The following GPC6 variants were observed in gnomAD, a reference collection of about 807,000 sequenced individuals.
The protein encoded by GPC6 is glypican 6.
GPC6 carries 14 observed loss-of-function variants against 55.2 expected under a neutral mutation model. That is an observed-to-expected ratio of 0.25 (90% CI 0.17 to 0.40). GPC6 has a LOEUF of 0.40. Among genes scored for constraint, GPC6 ranks in the 10% least tolerant of loss-of-function variants. The pLI, the probability that GPC6 is intolerant of heterozygous loss-of-function variation, is 1.00. For synonymous variants in GPC6, 278 were observed against 259.6 expected (o/e 1.07, Z -0.68); for missense variants, 641 against 708.5 (o/e 0.90, Z 1.08).
intron 3 of GPC6, among the ~76,000 whole-genome samples, chr13:93,996,006 G>A (rs997384203): frequency 1.3e-5 from 2 of 152,116 alleles, no homozygotes; most frequent in Non-Finnish European, 2.9e-5. Flanking sequence ...GATAGTTAAG[G>A]AATAATTTTA....
chr13:93,254,189 G>A (rs1594054437), intron 1 of GPC6, among the ~76,000 whole-genome samples: 1 of 152,142 alleles, frequency 6.6e-6, no homozygotes, highest in Admixed American at 6.5e-5. Context: ...AGTCAGGTGT[G>A]GTGGCATGTG....
intron 4 of GPC6, among the ~76,000 whole-genome samples, chr13:94,261,389 A>C (rs1384058645): frequency 6.6e-6 from 1 of 152,234 alleles, no homozygotes; most frequent in Non-Finnish European, 1.5e-5. Flanking sequence ...TTCAGCAGGA[A>C]GAGCAAGTGC....
intron 3 of GPC6, among the ~76,000 whole-genome samples, chr13:93,878,320 C>T (rs912615598): frequency 2.0e-5 from 3 of 152,168 alleles, no homozygotes; most frequent in Admixed American, 6.5e-5. Context: ...GGAATGAATT[C>T]AGTCCCTGTA....
At chr13:93,490,112 A>G (rs1364817666) in intron 1 of GPC6, among the ~76,000 whole-genome samples, 15 of 151,524 alleles carry the variant, frequency 9.9e-5, no homozygotes, top group African/African-American at 3.6e-4. Flanking sequence ...GTGTGTCATA[A>G]ATAGCTCTTA....
intron 8 of GPC6, among the ~76,000 whole-genome samples, chr13:94,399,645 A>T (rs865797517): frequency 6.6e-6 from 1 of 152,192 alleles, no homozygotes; most frequent in Non-Finnish European, 1.5e-5. Context: ...AAGTCATTTC[A>T]GTCATAGTTA....
intron 4 of GPC6, among the ~76,000 whole-genome samples, chr13:94,146,152 C>T (rs1019467837): frequency 3.3e-5 from 5 of 152,116 alleles, no homozygotes; most frequent in African/African-American, 9.7e-5. Context: ...GCTATTTTCA[C>T]CTTTGATACT....
At chr13:94,364,072 G>GTAGC (rs1299592873) in intron 6 of GPC6, among the ~76,000 whole-genome samples, 1 of 152,156 alleles carries the variant, frequency 6.6e-6, no homozygotes, top group Non-Finnish European at 1.5e-5. Context: ...AATTACACCT[G>GTAGC]TAGCTCCTTT....
intron 5 of GPC6, among the ~76,000 whole-genome samples, chr13:94,291,002 G>C (rs1402685145): frequency 6.6e-6 from 1 of 152,160 alleles, no homozygotes; most frequent in Non-Finnish European, 1.5e-5. Context: ...GACCAGCCTA[G>C]CCAATATGGC....
chr13:93,799,571 G>A (rs57605778), intron 2 of GPC6, among the ~76,000 whole-genome samples: 5,179 of 152,278 alleles, frequency 0.034, 273 homozygotes, highest in East Asian at 0.17. Context: ...TTGACAGATT[G>A]TAGAGGGGTG....
intron 3 of GPC6, among the ~76,000 whole-genome samples, chr13:93,998,693 T>A (rs1211613687): frequency 6.6e-6 from 1 of 152,124 alleles, no homozygotes; most frequent in East Asian, 1.9e-4. Flanking sequence ...ATAAGATTTT[T>A]AAAAAATTAA....
intron 2 of GPC6, among the ~76,000 whole-genome samples, chr13:93,761,561 G>C (rs1171450015): frequency 6.6e-6 from 1 of 151,980 alleles, no homozygotes; most frequent in Non-Finnish European, 1.5e-5. Context: ...CTGGTGCCCA[G>C]GCTGCAGTGC....
At chr13:94,395,616 A>T (rs542042942) in intron 7 of GPC6, among the ~76,000 whole-genome samples, 5 of 152,284 alleles carry the variant, frequency 3.3e-5, no homozygotes, top group African/African-American at 7.2e-5. Flanking sequence ...TTGGAGGTTG[A>T]TGGATAGAGC....
chr13:93,611,547 T>G (rs1878461641), intron 2 of GPC6, among the ~76,000 whole-genome samples: 1 of 152,210 alleles, frequency 6.6e-6, no homozygotes, highest in African/African-American at 2.4e-5. Flanking sequence ...ATTCTAAAGC[T>G]TTGTTCATTT....
chr13:93,271,933 T>C (rs1161771203), intron 1 of GPC6, among the ~76,000 whole-genome samples: 2 of 152,162 alleles, frequency 1.3e-5, no homozygotes, highest in African/African-American at 2.4e-5. Context: ...ATTAACTCCT[T>C]TAGTTACTTA....
intron 2 of GPC6, among the ~76,000 whole-genome samples, chr13:93,612,899 T>C (rs1305975095): frequency 2.0e-5 from 3 of 152,066 alleles, no homozygotes; most frequent in Non-Finnish European, 4.4e-5. Flanking sequence ...GTATTTGAGG[T>C]AAAGACAAGA....
chr13:93,407,900 T>C (rs2139240848), intron 1 of GPC6, among the ~76,000 whole-genome samples: 1 of 152,312 alleles, frequency 6.6e-6, no homozygotes, highest in South Asian at 2.1e-4. Context: ...TTTTCCCATT[T>C]AAATATTCAG....
At chr13:94,268,166 G>A (rs1891874557) in intron 4 of GPC6, among the ~76,000 whole-genome samples, 1 of 152,112 alleles carries the variant, frequency 6.6e-6, no homozygotes, top group African/African-American at 2.4e-5. Flanking sequence ...AGGTACTTAG[G>A]GTAGGCAAAT....
intron 1 of GPC6, among the ~76,000 whole-genome samples, chr13:93,328,864 A>G (rs1879745978): frequency 6.6e-6 from 1 of 152,080 alleles, no homozygotes. Flanking sequence ...TCTTCCCTCA[A>G]AAGTTGACCA....
chr13:94,062,742 T>C (rs1884376087), intron 4 of GPC6, among the ~76,000 whole-genome samples: 1 of 152,214 alleles, frequency 6.6e-6, no homozygotes, highest in African/African-American at 2.4e-5. Context: ...AAAAACTGGC[T>C]AAAATTGAGG....
Sources: allele counts gnomAD v4.1 joint callset (sites outside exome capture counted in the v4.1 genomes callset), GRCh38; gene constraint gnomAD v4.1.1; transcripts MANE v1.5; gene names NCBI Gene and HGNC (gene_info 2026-07-23, HGNC 2026-07-21).